Variants in ELFN1 observed in about 807,000 individuals in gnomAD.
ELFN1 encodes protein ELFN1.
In ELFN1, 6 loss-of-function variants were observed where a neutral mutation model predicts 7.6. The observed-to-expected ratio is 0.79, with a 90% CI of 0.43 to 1.56. The LOEUF is 1.56. Among genes scored for constraint, ELFN1 ranks in the 40% most tolerant of loss-of-function variants. ELFN1 has a pLI of 0.01. For synonymous variants in ELFN1, 657 were observed against 588.1 expected (o/e 1.12, Z -1.70); for missense variants, 1,169 against 1,232.2 (o/e 0.95, Z 0.77).
chr7:1,673,157 T>C lies in ELFN1; in HGVS notation c.-549+2803T>C, dbSNP rs1387684904. On this transcript the variant is annotated intron_variant, in intron 1 of 3. Transcript: ENST00000424383. This position sits in a 1 kb window ranked among gnomAD's most constrained non-coding sequence, Gnocchi z 4.7. Reference sequence around the variant, plus strand: ...TTCCAGCACAAGCTCAGGTGTCAAGTGGCCTTGGGTGGGTGTTTGTGGGGG... The same window carrying C: ...TTCCAGCACAAGCTCAGGTGTCAAGCGGCCTTGGGTGGGTGTTTGTGGGGG... Among the ~76,000 whole-genome samples the C allele has an allele frequency of 6.6e-6, 1 of 151,360 alleles. No individual in the cohort carries two copies. Among genetic ancestry groups the C allele is most frequent in the African/African-American group, 2.4e-5 (1 of 41,238 alleles).
chr7:1,711,619 AG>A (rs1779659514), intron 3 of ELFN1, among the ~76,000 whole-genome samples: 3 of 138,056 alleles, frequency 2.2e-5, no homozygotes, highest in Non-Finnish European at 3.1e-5. Flanking sequence ...AGAGAGAGAG[AG>A]AGAGAGAATG....
Position 1,745,599 on chromosome 7 carries a change from C to A in ELFN1, c.1003C>A (p.Leu335Met), listed in dbSNP as rs1484539325. The change falls in exon 4 of 4, where the codon CTG becomes ATG. Residue 335 changes from leucine (L) to methionine (M), a missense_variant. Transcript: ENST00000424383. ...TQNSATITVQ[L>M]PSPFHRMYTL... ...GAACTCGGCCACCATCACCGTCCAG[C>A]TGCCCAGCCCGTTCCACCGGATGTA... 6.4e-7 allele frequency: 1 copy of A among 1,550,988 alleles called. No individual in the cohort carries two copies. The highest frequency in any genetic ancestry group is 1.2e-5 in the South Asian group (1 of 84,060).
Position 1,745,416 on chromosome 7 carries a change from C to T in ELFN1, c.820C>T (p.Arg274Cys), listed in dbSNP as rs768568611. The part of the protein sequence containing the change: ...RPASGRSQPG[R>C]SPPPPPPPEP... ...AGCATCCGGGCGCTCACAGCCGGGC[C>T]GCTCCCCGCCGCCCCCGCCTCCGCC... Residue 274 changes from arginine to cysteine, a missense_variant, in exon 4 of 4, where the codon CGC (arginine) becomes TGC (cysteine). Arg to Cys is a radical substitution (Grantham distance 180, BLOSUM62 -3). Around this residue, in one of 2 missense-constraint regions of ELFN1, gnomAD observed 914 missense variants for 872.6 expected, o/e 1.05. Coordinates refer to ENST00000424383, the MANE Select transcript of ELFN1 (RefSeq NM_001128636.4). 1.2e-5 allele frequency: 19 copies of T among 1,538,846 alleles called. No homozygotes were observed. The highest frequency in any genetic ancestry group is 1.7e-4 in the Middle Eastern group (1 of 5,998).
chr7:1,671,755 G>A (rs770343803), intron 1 of ELFN1, among the ~76,000 whole-genome samples: 1 of 152,210 alleles, frequency 6.6e-6, no homozygotes, highest in Non-Finnish European at 1.5e-5. Context: ...CCTTTTAATT[G>A]AACAAGCATT....
At chr7:1,717,152 C>T (rs762076456) in intron 3 of ELFN1, among the ~76,000 whole-genome samples, 4 of 152,272 alleles carry the variant, frequency 2.6e-5, no homozygotes, top group African/African-American at 7.2e-5. Flanking sequence ...GTGGTGCCGC[C>T]GCACGCAGGA....
chr7:1,713,673 T>C (rs1232769747), intron 3 of ELFN1, among the ~76,000 whole-genome samples: 1 of 152,096 alleles, frequency 6.6e-6, no homozygotes, highest in South Asian at 2.1e-4. Flanking sequence ...CAGCAGGGCC[T>C]GGGAGCCCAT....
chr7:1,686,003 T>C lies in ELFN1; in HGVS notation c.-548-2055T>C, dbSNP rs1779056208. Among the ~76,000 whole-genome samples the C allele has an allele frequency of 5.4e-5, 8 of 148,532 alleles. No individual in the cohort carries two copies. In the Admixed American group the frequency reaches 5.4e-4, roughly 10 times the overall value. On this transcript the variant is annotated intron_variant, in intron 1 of 3. Coordinates refer to ENST00000424383, the MANE Select transcript of ELFN1 (RefSeq NM_001128636.4). ...AATATATATTTATATTATAAAAAGC[T>C]TTGAAGTCTTTGTTATATCTAACAT...
At chr7:1,722,413 C>T (rs1423179729) in intron 3 of ELFN1, among the ~76,000 whole-genome samples, 1 of 151,906 alleles carries the variant, frequency 6.6e-6, no homozygotes. Flanking sequence ...ATTACAGGTG[C>T]CTGCCACCAC....
At chr7:1,685,407 C>T (rs1779045335) in intron 1 of ELFN1, among the ~76,000 whole-genome samples, 1 of 152,076 alleles carries the variant, frequency 6.6e-6, no homozygotes. Flanking sequence ...CTGTGTCTTT[C>T]TCTCTCTCCT....
chr7:1,715,195 A>G (rs1178056626), intron 3 of ELFN1, among the ~76,000 whole-genome samples: 2 of 152,134 alleles, frequency 1.3e-5, no homozygotes, highest in Non-Finnish European at 2.9e-5. Context: ...GGTGCTTACT[A>G]TATGTCTTAT....
Position 1,695,758 on chromosome 7 carries a change from A to C in ELFN1, c.-456+7608A>C, listed in dbSNP as rs1048717300. ...GCGAGACTCCGTGTCAAAAAAAAAA[A>C]AAAAAAAAAAAAAACCGTGCTGGTT... On this transcript the variant is annotated intron_variant, in intron 2 of 3. Transcript: ENST00000424383. The surrounding 1 kb of genome is among the most constrained non-coding windows in gnomAD (Gnocchi z 5.1). Among the ~76,000 whole-genome samples the C allele has an allele frequency of 8.5e-4, 129 of 151,430 alleles. No individual in the cohort carries two copies. The highest frequency in any genetic ancestry group is 3.0e-3 in the African/African-American group (124 of 41,258).
At position 1,746,027 on chromosome 7, in the gene ELFN1, G is replaced by A. The variant is rs1454221842; in HGVS notation, c.1431G>A (p.Ala477=). 6.5e-6 allele frequency: 10 copies of A among 1,544,200 alleles called. No homozygotes were observed. The highest frequency in any genetic ancestry group is 4.8e-5 in the South Asian group (4 of 83,730). The change falls in exon 4 of 4, where the codon GCG becomes GCA. Residue 477 remains alanine (A), a synonymous_variant. Transcript: ENST00000424383. ...IELKYGPELE[A]PGLAPLSQGP... ...TCAAGTACGGGCCAGAGCTGGAGGCGCCCGGCCTGGCCCCGCTGTCCCAGG... is the reference window on the plus strand; with the variant it reads ...TCAAGTACGGGCCAGAGCTGGAGGCACCCGGCCTGGCCCCGCTGTCCCAGG...
At chr7:1,702,202 A>T (rs1209280234) in intron 2 of ELFN1, among the ~76,000 whole-genome samples, 1 of 152,134 alleles carries the variant, frequency 6.6e-6, no homozygotes, top group East Asian at 1.9e-4. Flanking sequence ...AGGTGGGCAA[A>T]TGACAAGGTC....
At chr7:1,696,704 G>T (rs887626381) in intron 2 of ELFN1, among the ~76,000 whole-genome samples, 2 of 152,128 alleles carry the variant, frequency 1.3e-5, no homozygotes, top group African/African-American at 4.8e-5. Flanking sequence ...GCCCAGCCTG[G>T]CATCCTTCCT....
intron 2 of ELFN1, among the ~76,000 whole-genome samples, chr7:1,701,938 C>T (rs1779436074): frequency 6.6e-6 from 1 of 152,068 alleles, no homozygotes; most frequent in Non-Finnish European, 1.5e-5. Context: ...TGATGGGAAG[C>T]AGGTATTCAG....
chr7:1,727,143 C>T (rs1355627899), intron 3 of ELFN1, among the ~76,000 whole-genome samples: 1 of 152,142 alleles, frequency 6.6e-6, no homozygotes, highest in Non-Finnish European at 1.5e-5. Flanking sequence ...TGCCCACACC[C>T]AAGCACTCAA....
intron 2 of ELFN1, among the ~76,000 whole-genome samples, chr7:1,696,434 C>G (rs1231366868): frequency 2.0e-5 from 3 of 150,804 alleles, no homozygotes; most frequent in Non-Finnish European, 4.4e-5. Flanking sequence ...CTCTGTCACC[C>G]GGGCTGGAGT....
At chr7:1,743,623 C>T (rs1020692372) in intron 3 of ELFN1, among the ~76,000 whole-genome samples, 5 of 152,146 alleles carry the variant, frequency 3.3e-5, no homozygotes, top group Admixed American at 6.5e-5. Context: ...CTGGCAGACA[C>T]GAGTCCCCGG....
chr7:1,703,776 C>T (rs1320425085), intron 2 of ELFN1, among the ~76,000 whole-genome samples: 1 of 152,206 alleles, frequency 6.6e-6, no homozygotes, highest in Non-Finnish European at 1.5e-5. Context: ...CAGTCCAAAG[C>T]AAAGAACTCT....
Sources: allele counts gnomAD v4.1 joint callset (sites outside exome capture counted in the v4.1 genomes callset), GRCh38; gene constraint gnomAD v4.1.1; regional missense constraint gnomAD v4.1.1; non-coding constraint Gnocchi (gnomAD v3.1); transcripts MANE v1.5; gene names NCBI Gene and HGNC (gene_info 2026-07-23, HGNC 2026-07-21).